The following LRCH1 variants were observed in gnomAD, a reference collection of about 807,000 sequenced individuals.
LRCH1 encodes the protein leucine rich repeats and calponin homology domain containing 1, also known as leucine-rich repeat and calponin homology domain-containing protein 1.
LRCH1 carries 23 observed loss-of-function variants against 94.9 expected under a neutral mutation model. That is an observed-to-expected ratio of 0.24 (90% CI 0.17 to 0.34). The LOEUF (loss-of-function observed/expected upper bound fraction) is 0.34. LRCH1 is among the 10% of genes least tolerant of loss of function. The probability of loss-of-function intolerance (pLI) is 1.00; values close to 1 mark genes in which losing one functional copy is unlikely to be tolerated. For synonymous variants in LRCH1, 364 were observed against 354.9 expected, an observed-to-expected ratio of 1.03 and a Z score of -0.29; for missense variants, 790 against 945.9, an observed-to-expected ratio of 0.84 and a Z score of 2.16.
rs373006243 is a variant in LRCH1, at chr13:46,694,987, T to C, written c.1215T>C (p.Asp405=). ...EERDQFTDRA[D]GLHSEFMNYK... is the part of the protein sequence containing the mutation. ...GAGACCAGTTTACTGATAGAGCAGA[T>C]GGTCTCCATTCGGAATTTATGAACT... The change falls in exon 9 of 20, where the codon GAT becomes GAC. Residue 405 remains aspartate, a synonymous_variant. Transcript: ENST00000389797. 1.4e-5 allele frequency: 23 copies of C among 1,613,962 alleles called. No individual in the cohort carries two copies. Among genetic ancestry groups the C allele is most frequent in the Non-Finnish European group, 1.9e-5 (23 of 1,179,944 alleles).
At chr13:46,565,472 A>G (rs548984614) in intron 1 of LRCH1, among the ~76,000 whole-genome samples, 2 of 152,044 alleles carry the variant, frequency 1.3e-5, no homozygotes, top group South Asian at 2.1e-4. Flanking sequence ...CTGGGTTTTC[A>G]TGCTGTTTTT....
At chr13:46,704,601 CTGTT>C (rs1172663393) in intron 11 of LRCH1, among the ~76,000 whole-genome samples, 2 of 151,928 alleles carry the variant, frequency 1.3e-5, no homozygotes, top group African/African-American at 4.8e-5. Context: ...AATTTAGAAA[CTGTT>C]TGAGACTATT....
intron 1 of LRCH1, among the ~76,000 whole-genome samples, chr13:46,613,904 C>T (rs1210617793): frequency 1.3e-5 from 2 of 152,188 alleles, no homozygotes; most frequent in Non-Finnish European, 2.9e-5. Flanking sequence ...GGTTATTTTG[C>T]CTCATCAGCA....
chr13:46,625,887 A>C (rs2050942941), intron 1 of LRCH1, among the ~76,000 whole-genome samples: 1 of 152,046 alleles, frequency 6.6e-6, no homozygotes, highest in Non-Finnish European at 1.5e-5. Context: ...TCCTGGAATC[A>C]AGTGATCTGC....
intron 1 of LRCH1, among the ~76,000 whole-genome samples, chr13:46,625,229 A>T (rs890447400): frequency 2.6e-5 from 4 of 151,718 alleles, no homozygotes; most frequent in Non-Finnish European, 5.9e-5. Flanking sequence ...CCTCTTCCAT[A>T]CTCTTCTATT....
intron 13 of LRCH1, among the ~76,000 whole-genome samples, chr13:46,709,046 A>G (rs998828213): frequency 5.9e-5 from 9 of 152,226 alleles, no homozygotes; most frequent in African/African-American, 2.2e-4. Flanking sequence ...TTTGATGTAC[A>G]GATCTCTGGG....
At chr13:46,570,257 A>T (rs1015594964) in intron 1 of LRCH1, among the ~76,000 whole-genome samples, 10 of 152,042 alleles carry the variant, frequency 6.6e-5, no homozygotes, top group Non-Finnish European at 1.5e-4. Context: ...GAGTTTGACT[A>T]CTCTTTGCTG....
At chr13:46,650,904 T>C (rs1394395215) in intron 2 of LRCH1, among the ~76,000 whole-genome samples, 1 of 152,156 alleles carries the variant, frequency 6.6e-6, no homozygotes, top group Non-Finnish European at 1.5e-5. Flanking sequence ...TCCCGCTAAC[T>C]TAGGTCAGTG....
intron 1 of LRCH1, among the ~76,000 whole-genome samples, chr13:46,610,175 A>G (rs1048067160): frequency 1.2e-4 from 18 of 152,188 alleles, no homozygotes; most frequent in African/African-American, 3.9e-4. Flanking sequence ...TTTGGGAGAG[A>G]GTTTGAAATG....
chr13:46,625,457 A>G (rs929444396), intron 1 of LRCH1, among the ~76,000 whole-genome samples: 1 of 152,072 alleles, frequency 6.6e-6, no homozygotes, highest in Non-Finnish European at 1.5e-5. Flanking sequence ...TGTCTTTATA[A>G]AAGAGACCCC....
At chr13:46,751,583 ACTT>A (rs1436718483) in exon 19 of LRCH1, 3 of 152,218 alleles carry the variant, frequency 2.0e-5, no homozygotes, top group African/African-American at 7.2e-5. Context: ...TTGGATTCAT[ACTT>A]CTTTTGCTAT....
chr13:46,693,126 C>T lies in LRCH1; in HGVS notation c.1120+485C>T, dbSNP rs145863268. Among the ~76,000 whole-genome samples, 1,376 of 152,146 alleles carry T rather than the reference C, an allele frequency of 9.0e-3. 24 individuals carry two copies. Among genetic ancestry groups the T allele is most frequent in the African/African-American group, 0.032 (1,310 of 41,510 alleles). ...AGCTGGGATTACAGGCACCTGCCACCATGCCCGGCTAATTCTTTAAATCCA... is the reference window on the plus strand; with the variant it reads ...AGCTGGGATTACAGGCACCTGCCACTATGCCCGGCTAATTCTTTAAATCCA... On this transcript the variant is annotated intron_variant, in intron 8 of 19. Coordinates refer to ENST00000389797, the MANE Select transcript of LRCH1 (RefSeq NM_001164211.2).
Position 46,654,262 on chromosome 13 carries a change from T to C in LRCH1, c.452+3917T>C, listed in dbSNP as rs1593327114. On this transcript the variant is annotated intron_variant, in intron 2 of 19. Coordinates refer to ENST00000389797, the MANE Select transcript of LRCH1 (RefSeq NM_001164211.2). ...CCTAAGCCTGGTAAGCAGGAGGGAC[T>C]CAGAATATCATGCTTGTGTGTGATG... Among the ~76,000 whole-genome samples, 3 of 152,336 alleles carry C rather than the reference T, an allele frequency of 2.0e-5. No individual in the cohort carries two copies. The Middle Eastern group carries it at 0.01, about 518-fold the overall frequency.
intron 13 of LRCH1, among the ~76,000 whole-genome samples, chr13:46,710,967 C>G (rs17068676): frequency 0.012 from 1,893 of 152,158 alleles, 54 homozygotes; most frequent in African/African-American, 0.044. Flanking sequence ...CCCTCAATTT[C>G]TTCACTGTCT....
intron 9 of LRCH1, among the ~76,000 whole-genome samples, chr13:46,697,492 T>TGA (rs1358379733): frequency 1.3e-5 from 2 of 152,354 alleles, no homozygotes; most frequent in East Asian, 3.9e-4. Context: ...CTTGGGCTTC[T>TGA]GAACACAAGG....
At chr13:46,602,684 G>C (rs2050640352) in intron 1 of LRCH1, among the ~76,000 whole-genome samples, 1 of 152,186 alleles carries the variant, frequency 6.6e-6, no homozygotes, top group Admixed American at 6.5e-5. Flanking sequence ...GCTGGGTACA[G>C]GCTCATGTCT....
At chr13:46,737,799 C>T (rs1257368629) in intron 19 of LRCH1, among the ~76,000 whole-genome samples, 1 of 152,098 alleles carries the variant, frequency 6.6e-6, no homozygotes, top group African/African-American at 2.4e-5. Flanking sequence ...CTACATGTTC[C>T]TGGTAGGTAC....
intron 1 of LRCH1, among the ~76,000 whole-genome samples, chr13:46,631,394 T>A (rs1013641981): frequency 1.8e-4 from 28 of 152,170 alleles, no homozygotes; most frequent in African/African-American, 6.8e-4. Flanking sequence ...ATTGTATATT[T>A]CCCAGCAAGC....
intron 18 of LRCH1, among the ~76,000 whole-genome samples, chr13:46,729,733 T>G (rs889454917): frequency 6.6e-6 from 1 of 152,194 alleles, no homozygotes; most frequent in African/African-American, 2.4e-5. Flanking sequence ...ATCTTTTTCC[T>G]CTATTCATCA....
Sources: gnomAD v4.1 joint callset for allele counts (sites outside exome capture counted in the v4.1 genomes callset) on GRCh38, gnomAD v4.1.1 for gene constraint, MANE v1.5 for transcripts, NCBI Gene and HGNC (gene_info 2026-07-23, HGNC 2026-07-21) for gene names.